Variants in IQSEC1 observed in about 807,000 individuals in gnomAD.
The protein encoded by IQSEC1 is IQ motif and Sec7 domain ArfGEF 1, also known as IQ motif and SEC7 domain-containing protein 1.
IQSEC1 carries 31 observed loss-of-function variants against 91.0 expected under a neutral mutation model. The observed-to-expected ratio is 0.34, with a 90% CI of 0.26 to 0.46. The LOEUF (loss-of-function observed/expected upper bound fraction) is 0.46. Among genes scored for constraint, IQSEC1 ranks in the 20% least tolerant of loss-of-function variants. The pLI, the probability that IQSEC1 is intolerant of heterozygous loss-of-function variation, is 1.00. For missense variants in IQSEC1, 1,388 were observed against 1,575.6 expected, an observed-to-expected ratio of 0.88 and a Z score of 2.02; for synonymous variants, 699 against 662.6, an observed-to-expected ratio of 1.05 and a Z score of -0.84.
At chr3:13,253,867 G>A (rs765494752) in intron 1 of IQSEC1, among the ~76,000 whole-genome samples, 1 of 152,106 alleles carries the variant, frequency 6.6e-6, no homozygotes, top group Non-Finnish European at 1.5e-5. Flanking sequence ...TCTGATACCC[G>A]GGGCCCCCAG....
intron 1 of IQSEC1, among the ~76,000 whole-genome samples, chr3:13,026,057 T>G (rs1703599283): frequency 6.6e-6 from 1 of 152,340 alleles, no homozygotes; most frequent in South Asian, 2.1e-4. Flanking sequence ...CACTGCCTCC[T>G]GGTTCCTGAC....
chr3:13,226,446 A>G (rs1289032843), intron 1 of IQSEC1, among the ~76,000 whole-genome samples: 1 of 152,176 alleles, frequency 6.6e-6, no homozygotes, highest in African/African-American at 2.4e-5. Flanking sequence ...CTGAGGACAC[A>G]TCCGGGAACA....
intron 9 of IQSEC1, among the ~76,000 whole-genome samples, chr3:12,912,021 C>A (rs1279793020): frequency 6.6e-6 from 1 of 152,216 alleles, no homozygotes; most frequent in Non-Finnish European, 1.5e-5. Context: ...GGTGTACACA[C>A]CCGGGGCTTG....
At chr3:12,978,624 G>T (rs1218336102) in intron 1 of IQSEC1, among the ~76,000 whole-genome samples, 1 of 151,972 alleles carries the variant, frequency 6.6e-6, no homozygotes, top group Non-Finnish European at 1.5e-5. Flanking sequence ...AGAATCACTT[G>T]AACCCTGGAG....
At chr3:13,264,201 C>T (rs1187550608) in intron 1 of IQSEC1, among the ~76,000 whole-genome samples, 1 of 152,224 alleles carries the variant, frequency 6.6e-6, no homozygotes, top group Admixed American at 6.5e-5. Flanking sequence ...TTCTCCCAGC[C>T]TCCAGTTCAG....
At chr3:12,911,566 C>T in intron 10 of IQSEC1, 63 bp downstream of exon 10, 1 of 1,280,234 alleles carries the variant, frequency 7.8e-7, no homozygotes, top group Non-Finnish European at 1.1e-6. Context: ...CTCGAAGCAG[C>T]CAGGAGAAAG....
chr3:13,068,054 G>C (rs561633880), intron 1 of IQSEC1, among the ~76,000 whole-genome samples: 2 of 152,362 alleles, frequency 1.3e-5, no homozygotes, highest in South Asian at 2.1e-4. Flanking sequence ...CCACCACATA[G>C]AGCAGGAGGC....
At position 13,224,289 on chromosome 3, in the gene IQSEC1, G is replaced by A. The variant is rs116720831; in HGVS notation, c.272+58422C>T. 3.8e-3 allele frequency among the ~76,000 whole-genome samples: 577 copies of A among 152,244 alleles called. 5 individuals are homozygous for A. The highest frequency in any genetic ancestry group is 0.013 in the African/African-American group (549 of 41,546). ...CTGCCCGAACCCAGGAGGTCAGCAG[G>A]AAGAAAGAAGCCCCCACACCCAATT... On this transcript the variant is annotated intron_variant, in intron 1 of 15. Transcript: ENST00000648114.
chr3:13,277,269 G>A (rs1162944894), intron 1 of IQSEC1, among the ~76,000 whole-genome samples: 16 of 151,960 alleles, frequency 1.1e-4, no homozygotes, highest in Admixed American at 9.2e-4. Context: ...CCTCCAACGT[G>A]ACCGACCCCT....
intron 1 of IQSEC1, among the ~76,000 whole-genome samples, chr3:12,980,928 G>A (rs1345001318): frequency 1.3e-5 from 2 of 152,198 alleles, no homozygotes; most frequent in African/African-American, 4.8e-5. Flanking sequence ...CCTCAGGAGG[G>A]ACCCTGCTCC....
intron 1 of IQSEC1, among the ~76,000 whole-genome samples, chr3:12,985,117 C>G (rs545214194): frequency 1.3e-5 from 2 of 152,274 alleles, no homozygotes; most frequent in South Asian, 4.1e-4. Context: ...AGCCACCGCG[C>G]CCAGCCGCAA....
rs755629839 is a variant in IQSEC1 at position 12,908,421 on chromosome 3, C to T, written c.2683G>A (p.Asp895Asn). ...NGTLSRACLD[D>N]SYASGEGLKR... ...AGGCCCTCACCGCTGGCATAGCTGTCGTCCAGGCAGGCCCGGCTCAGTGTT... is the reference window on the plus strand; with the variant it reads ...AGGCCCTCACCGCTGGCATAGCTGTTGTCCAGGCAGGCCCGGCTCAGTGTT... Residue 895 changes from aspartate (D) to asparagine (N), a missense_variant, in exon 12 of 14, where the codon GAC (aspartate) becomes AAC (asparagine). Physicochemically the swap from Asp to Asn is conservative, Grantham distance 23. Around this residue, in one of 2 missense-constraint regions of IQSEC1, gnomAD observed 1,059 missense variants for 1,317.8 expected, o/e 0.80. Transcript: ENST00000613206. The surrounding 1 kb of genome is among the most constrained non-coding windows in gnomAD (Gnocchi z 4.9). 15 of 1,613,174 alleles carry T rather than the reference C, an allele frequency of 9.3e-6. No homozygotes were observed. Among genetic ancestry groups the T allele is most frequent in the Admixed American group, 5.0e-5 (3 of 60,000 alleles).
chr3:13,263,316 T>C (rs1025578359), intron 1 of IQSEC1, among the ~76,000 whole-genome samples: 5 of 151,402 alleles, frequency 3.3e-5, no homozygotes, highest in African/African-American at 1.2e-4. Flanking sequence ...AACTACACAC[T>C]TAAAAATGGT....
intron 1 of IQSEC1, among the ~76,000 whole-genome samples, chr3:12,963,198 C>T (rs1269012497): frequency 2.0e-5 from 3 of 152,214 alleles, no homozygotes; most frequent in South Asian, 2.1e-4. Context: ...AGGGAGGGGA[C>T]GCTTGCTATG....
At chr3:13,215,672 C>G (rs757654978) in intron 1 of IQSEC1, among the ~76,000 whole-genome samples, 1 of 152,204 alleles carries the variant, frequency 6.6e-6, no homozygotes, top group East Asian at 1.9e-4. Flanking sequence ...GTTGATGGGG[C>G]CCAGAGAAGG....
At chr3:12,902,208 T>C (rs571872798) in intron 13 of IQSEC1, among the ~76,000 whole-genome samples, 3 of 152,092 alleles carry the variant, frequency 2.0e-5, no homozygotes, top group South Asian at 2.1e-4. Context: ...GAGTGAAATA[T>C]CATGAAATCC....
At chr3:13,057,714 A>C (rs557181920) in intron 1 of IQSEC1, among the ~76,000 whole-genome samples, 171 of 152,222 alleles carry the variant, frequency 1.1e-3, no homozygotes, top group Non-Finnish European at 1.7e-3. Context: ...ACCACTGGGC[A>C]CAGTGAGATG....
intron 1 of IQSEC1, among the ~76,000 whole-genome samples, chr3:12,989,481 GA>G (rs1303129464): frequency 1.3e-5 from 2 of 152,196 alleles, no homozygotes; most frequent in African/African-American, 4.8e-5. Flanking sequence ...TTAAAGAGGA[GA>G]AAACAGGGAG....
At chr3:13,052,947 G>A in intron 1 of IQSEC1, 4 of 1,080,596 alleles carry the variant, frequency 3.7e-6, no homozygotes, top group Non-Finnish European at 2.8e-6. Flanking sequence ...CAATATGTGT[G>A]CCATCTCATG....
Sources: gnomAD v4.1 joint callset for allele counts (sites outside exome capture counted in the v4.1 genomes callset) on GRCh38, gnomAD v4.1.1 for gene constraint, gnomAD v4.1.1 regional missense constraint, Gnocchi (gnomAD v3.1) non-coding constraint, MANE v1.5 for transcripts, NCBI Gene and HGNC (gene_info 2026-07-23, HGNC 2026-07-21) for gene names.